PGD: variants seen among roughly 807,000 people sequenced by gnomAD.
The protein encoded by PGD is phosphogluconate dehydrogenase, also known as 6-phosphogluconate dehydrogenase, decarboxylating.
In PGD, 21 loss-of-function variants were observed where a neutral mutation model predicts 60.4. The ratio of observed to expected loss-of-function variants is 0.35; its 90% CI spans 0.25 to 0.50. PGD has a LOEUF of 0.50. PGD is among the 20% of genes least tolerant of loss of function. PGD has a pLI of 0.98. For missense variants in PGD, 477 were observed against 613.1 expected (o/e 0.78, Z 2.34); for synonymous variants, 230 against 235.9 (o/e 0.97, Z 0.23).
chr1:10,399,732 C>T (rs1639282586), intron 2 of PGD, 28 bp downstream of exon 2: 2 of 1,604,824 alleles, frequency 1.2e-6, no homozygotes, highest in Non-Finnish European at 1.7e-6. Context: ...GTTGTCTTCT[C>T]TCTGGTTCCC....
chr1:10,410,141 G>T (rs545746956), intron 6 of PGD, among the ~76,000 whole-genome samples: 35 of 152,182 alleles, frequency 2.3e-4, no homozygotes, highest in African/African-American at 8.4e-4. Context: ...TCAGAAGTCA[G>T]CAGGGGCAGC....
At chr1:10,417,242 G>T (rs1639611932) in intron 9 of PGD, 125 bp downstream of exon 9, 3 of 1,440,852 alleles carry the variant, frequency 2.1e-6, no homozygotes, top group Admixed American at 1.9e-5. Flanking sequence ...CCTTGACTTG[G>T]ATCTTGACTT....
rs1295824268 is a variant in PGD at position 10,419,684 on chromosome 1, C to A, written c.1387C>A (p.Gln463Lys). The change falls in exon 13 of 13, where the codon CAG (glutamine) becomes AAG (lysine). Residue 463 changes from glutamine to lysine, a missense_variant. Transcript: ENST00000270776. Reference protein sequence around the residue: ...HTYELLAKPGQFIHTNWTGHG... With the variant: ...HTYELLAKPGKFIHTNWTGHG... The stretch of plus-strand genomic sequence containing the variant: ...CTATGAACTCTTGGCCAAACCAGGG[C>A]AGTTTATCCACACCAACTGGACAGG... 12 of 1,614,198 alleles carry A rather than the reference C, an allele frequency of 7.4e-6. No homozygotes were observed. The highest frequency in any genetic ancestry group is 1.0e-5 in the Non-Finnish European group (12 of 1,180,024).
intron 3 of PGD, among the ~76,000 whole-genome samples, chr1:10,401,007 C>G (rs1270216775): frequency 6.6e-6 from 1 of 152,110 alleles, no homozygotes; most frequent in African/African-American, 2.4e-5. Flanking sequence ...AGGTTCGAGA[C>G]CAGCCTGGCC....
chr1:10,405,241 C>T (rs769606337), intron 5 of PGD, among the ~76,000 whole-genome samples: 10 of 151,068 alleles, frequency 6.6e-5, no homozygotes, highest in Non-Finnish European at 1.3e-4. Context: ...GGCATGGTGG[C>T]GTGCGCCTGT....
chr1:10,399,472 C>A, intron 1 of PGD, 157 bp from the exon 2 acceptor site: 1 of 673,794 alleles, frequency 1.5e-6, no homozygotes, highest in South Asian at 1.9e-5. Context: ...CCGGCCGAGG[C>A]TCTGCAGCGT....
chr1:10,409,182 A>G (rs1365786962), intron 6 of PGD, among the ~76,000 whole-genome samples: 1 of 152,122 alleles, frequency 6.6e-6, no homozygotes, highest in East Asian at 1.9e-4. Flanking sequence ...ATTCAATTTT[A>G]TTTTATATGA....
chr1:10,399,800 C>T, intron 2 of PGD, 96 bp downstream of exon 2: 1 of 1,050,572 alleles, frequency 9.5e-7, no homozygotes, highest in East Asian at 2.4e-5. Context: ...CCTGGCCGTG[C>T]TTTGCTAATG....
chr1:10,408,087 A>G lies in PGD; in HGVS notation c.466A>G (p.Ile156Val), dbSNP rs767532645. 1 of 1,605,464 alleles carries G rather than the reference A, an allele frequency of 6.2e-7. No individual in the cohort carries two copies. Among genetic ancestry groups the G allele is most frequent in the South Asian group, 1.1e-5 (1 of 90,912 alleles). The change falls in exon 6 of 13, where the codon ATC (isoleucine) becomes GTC (valine). Residue 156 changes from isoleucine to valine, a missense_variant. By Grantham distance (29) the Ile-to-Val change is conservative (BLOSUM62 3). This residue lies in a region of PGD where 431 missense variants were observed against 556.6 expected (regional missense o/e 0.77). Transcript: ENST00000270776. ...TTTACACAGGCCCCACATCAAGACC[A>G]TCTTCCAAGGCATTGCTGCAAAAGT... ...NKEAWPHIKT[I>V]FQGIAAKVGT...
chr1:10,400,018 T>G (rs1639288691), intron 2 of PGD: 2 of 498,882 alleles, frequency 4.0e-6, no homozygotes, highest in African/African-American at 3.8e-5. Context: ...CTTGATTGCC[T>G]GATGAGATCT....
At chr1:10,410,838 CTTTA>C (rs1375604088) in intron 6 of PGD, among the ~76,000 whole-genome samples, 1 of 151,040 alleles carries the variant, frequency 6.6e-6, no homozygotes, top group Non-Finnish European at 1.5e-5. Flanking sequence ...AAGATCTGGT[CTTTA>C]TTTATAAATA....
At chr1:10,410,789 G>A (rs11579365) in intron 6 of PGD, among the ~76,000 whole-genome samples, 1 of 151,624 alleles carries the variant, frequency 6.6e-6, no homozygotes, top group Non-Finnish European at 1.5e-5. Context: ...ATTCATTAAC[G>A]GGTATTCTGA....
rs1031622867 is a variant in PGD, at chr1:10,408,231, G to A, written c.519+91G>A. ...GGAGAAAGGCCACCGTGGTCTCCCA[G>A]GGGTTAGCTTGGTGACATAAACGTC... On this transcript the variant is annotated intron_variant, in intron 6 of 12. Transcript: ENST00000270776. The A allele has an allele frequency of 6.4e-6, 5 of 780,596 alleles. No homozygotes were observed. In the East Asian group the frequency reaches 9.8e-5, roughly 15 times the overall value. The allele number at this position is 780,596 out of a possible 1,614,324, so 48.4% of individuals were successfully genotyped here.
At chr1:10,405,157 C>T (rs1463883616) in intron 5 of PGD, among the ~76,000 whole-genome samples, 1 of 150,224 alleles carries the variant, frequency 6.7e-6, no homozygotes, top group Non-Finnish European at 1.5e-5. Flanking sequence ...GGCAGATCAC[C>T]AGGTCAGGAG....
chr1:10,418,784 A>AG, intron 10 of PGD, 42 bp from the exon 11 acceptor site: 1 of 1,251,056 alleles, frequency 8.0e-7, no homozygotes, highest in African/African-American at 1.5e-5. Context: ...AAAAAAAAAA[A>AG]AAAAAAGACT....
At chr1:10,405,285 A>G (rs979654395) in intron 5 of PGD, among the ~76,000 whole-genome samples, 12 of 151,564 alleles carry the variant, frequency 7.9e-5, no homozygotes, top group African/African-American at 2.9e-4. Flanking sequence ...AGACAGGAGA[A>G]TTGCTTGAAC....
chr1:10,404,322 T>C (rs1377623446), intron 5 of PGD, 43 bp downstream of exon 5: 1 of 1,277,182 alleles, frequency 7.8e-7, no homozygotes, highest in South Asian at 1.4e-5. Flanking sequence ...ACAAGGGAGC[T>C]GGACTTTGAG....
Position 10,417,364 on chromosome 1 carries a change from G to A in PGD, c.976-12G>A. 1 of 1,600,942 alleles carries A rather than the reference G, an allele frequency of 6.2e-7. No individual in the cohort carries two copies. Among genetic ancestry groups the A allele is most frequent in the Non-Finnish European group, 8.5e-7 (1 of 1,173,092 alleles). Reference sequence around the variant, plus strand: ...AATGGCAATCCTAGTAGGTCTCTGTGTCACTCTTTAGGCACTCTACGCTTC... The same window carrying A: ...AATGGCAATCCTAGTAGGTCTCTGTATCACTCTTTAGGCACTCTACGCTTC... On this transcript the variant is annotated splice_polypyrimidine_tract_variant and intron_variant, in intron 9 of 12. Coordinates refer to ENST00000270776, the MANE Select transcript of PGD (RefSeq NM_002631.4).
chr1:10,403,074 C>A lies in PGD; in HGVS notation c.268C>A (p.Pro90Thr). 6.2e-7 allele frequency: 1 copy of A among 1,604,618 alleles called. No homozygotes were observed. The highest frequency in any genetic ancestry group is 8.5e-7 in the Non-Finnish European group (1 of 1,171,560). ...TAATGCTGGTGTCTGGTTACAGGTACCATTGTTGGATACTGGTGACATCAT... is the reference window on the plus strand; with the variant it reads ...TAATGCTGGTGTCTGGTTACAGGTAACATTGTTGGATACTGGTGACATCAT... ...AVDDFIEKLV[P>T]LLDTGDIIID... The change falls in exon 4 of 13, where the codon CCA becomes ACA. Residue 90 changes from proline to threonine, a missense_variant. By Grantham distance (38) the Pro-to-Thr change is conservative. Around this residue, in one of 3 missense-constraint regions of PGD, gnomAD observed 431 missense variants for 556.6 expected, o/e 0.77. Transcript: ENST00000270776.
Sources: gnomAD v4.1 joint callset for allele counts (sites outside exome capture counted in the v4.1 genomes callset) on GRCh38, gnomAD v4.1.1 for gene constraint, gnomAD v4.1.1 regional missense constraint, MANE v1.5 for transcripts, NCBI Gene and HGNC (gene_info 2026-07-23, HGNC 2026-07-21) for gene names.